Variants in ACSL3 observed in about 807,000 individuals in gnomAD.
ACSL3 encodes the protein fatty acid CoA ligase Acsl3.
A neutral mutation model predicts 84.7 loss-of-function variants in ACSL3; 34 were observed. The ratio of observed to expected loss-of-function variants is 0.40; its 90% CI spans 0.31 to 0.53. The LOEUF is 0.53. Among genes scored for constraint, ACSL3 ranks in the 20% least tolerant of loss-of-function variants. ACSL3 has a pLI of 0.48. For synonymous variants in ACSL3, 315 were observed against 299.4 expected (o/e 1.05, Z -0.54); for missense variants, 680 against 873.1 (o/e 0.78, Z 2.79).
intron 4 of ACSL3, among the ~76,000 whole-genome samples, chr2:222,911,618 A>T (rs957262296): frequency 3.3e-5 from 5 of 152,200 alleles, no homozygotes; most frequent in African/African-American, 1.2e-4. Flanking sequence ...TAATGTGGCT[A>T]GTATTGTCTT....
At chr2:222,913,612 A>G (rs1415788438) in intron 4 of ACSL3, among the ~76,000 whole-genome samples, 5 of 151,972 alleles carry the variant, frequency 3.3e-5, no homozygotes. Context: ...CCCAACTGTA[A>G]TTCACTCACA....
intron 2 of ACSL3, among the ~76,000 whole-genome samples, chr2:222,898,892 G>T (rs1195977173): frequency 6.6e-6 from 1 of 152,150 alleles, no homozygotes; most frequent in Non-Finnish European, 1.5e-5. Flanking sequence ...TTTATATTTG[G>T]TATAAAGGGG....
chr2:222,907,315 C>G (rs942854472), intron 3 of ACSL3, among the ~76,000 whole-genome samples: 3 of 152,166 alleles, frequency 2.0e-5, no homozygotes, highest in Admixed American at 6.5e-5. Flanking sequence ...TCTCATCTAT[C>G]TACACTTGCC....
Position 222,865,820 on chromosome 2 carries a change from G to GTGTGTGTGTGTGTA in ACSL3, c.-207+4567_-207+4568insGTGTGTGTATGTGT, listed in dbSNP as rs1322589527. Among the ~76,000 whole-genome samples, 30 of 151,928 alleles carry GTGTGTGTGTGTGTA rather than the reference G, an allele frequency of 2.0e-4. No homozygotes were observed. In the East Asian group the frequency reaches 5.4e-3, roughly 27 times the overall value. The stretch of plus-strand genomic sequence containing the variant: ...TGTGTGTGTGTGTGTGTGTGTGTGT[G>GTGTGTGTGTGTGTA]TGTGTACACAGATGTGTACGCATTG... On this transcript the variant is annotated intron_variant, in intron 1 of 16. Transcript: ENST00000357430.
rs1559308372 is a variant in ACSL3, at chr2:222,942,515, A to G, written c.*861A>G. ...GATAGAATTTAAAGAACAAGAGTATATAAAGTTATTCTTTGAATATTTCGT... is the reference window on the plus strand; with the variant it reads ...GATAGAATTTAAAGAACAAGAGTATGTAAAGTTATTCTTTGAATATTTCGT... On this transcript the variant is annotated 3_prime_UTR_variant, in exon 17 of 17. Coordinates refer to ENST00000357430, the MANE Select transcript of ACSL3 (RefSeq NM_004457.5). The G allele has an allele frequency of 5.2e-6, 1 of 193,728 alleles. No individual in the cohort carries two copies. The highest frequency in any genetic ancestry group is 1.1e-5 in the Non-Finnish European group (1 of 93,014). The allele number at this position is 193,728 out of a possible 1,614,324, so 12.0% of individuals were successfully genotyped here.
intron 2 of ACSL3, among the ~76,000 whole-genome samples, chr2:222,889,697 C>G (rs1473797334): frequency 2.0e-5 from 3 of 152,188 alleles, no homozygotes; most frequent in African/African-American, 7.2e-5. Flanking sequence ...TTGCTCCTCC[C>G]TTGGTTTCAG....
chr2:222,891,734 GAT>G (rs1695849431), intron 2 of ACSL3, among the ~76,000 whole-genome samples: 1 of 152,156 alleles, frequency 6.6e-6, no homozygotes, highest in Admixed American at 6.5e-5. Flanking sequence ...TTTTCATGTA[GAT>G]ATATTCATGG....
intron 1 of ACSL3, among the ~76,000 whole-genome samples, chr2:222,878,806 A>G (rs1249072771): frequency 6.6e-6 from 1 of 152,108 alleles, no homozygotes; most frequent in Non-Finnish European, 1.5e-5. Flanking sequence ...GGAAATGTAG[A>G]CTTTAATTTT....
At chr2:222,940,963 C>T (rs1259379018) in intron 16 of ACSL3, among the ~76,000 whole-genome samples, 3 of 151,838 alleles carry the variant, frequency 2.0e-5, no homozygotes, top group African/African-American at 7.3e-5. Context: ...TGCAGTAGCA[C>T]GATCATAGCT....
intron 14 of ACSL3, 158 bp from the exon 15 acceptor site, chr2:222,933,008 C>G: frequency 2.1e-6 from 1 of 486,402 alleles, no homozygotes; most frequent in Non-Finnish European, 3.7e-6. Context: ...TTAATATGTG[C>G]TTTTAATTTC....
In ACSL3 at chr2:222,928,716, G is replaced by T. The variant is rs565207416; in HGVS notation, c.1466-146G>T. On this transcript the variant is annotated intron_variant, in intron 12 of 16. Transcript: ENST00000357430. ...CGACTCTACAGGCCTCACGGCCTGTGCTTCACCAATATGTGACTTCTGCTT... is the reference window on the plus strand; with the variant it reads ...CGACTCTACAGGCCTCACGGCCTGTTCTTCACCAATATGTGACTTCTGCTT... 4.6e-4 allele frequency: 328 copies of T among 711,444 alleles called. 1 individual carries two copies. The highest frequency in any genetic ancestry group is 1.5e-3 in the South Asian group (85 of 55,558). 44.1% of individuals were successfully genotyped at this position (711,444 alleles called of 1,614,324 possible). A position where few individuals can be genotyped will look rare whatever the true frequency, so the allele number is the denominator to read the frequency against.
At position 222,930,788 on chromosome 2, in the gene ACSL3, C is replaced by T. The variant is rs746110621; in HGVS notation, c.1708C>T (p.Pro570Ser). Residue 570 changes from proline (P) to serine (S), a missense_variant, in exon 14 of 17, where the codon CCC (proline) becomes TCC (serine). Coordinates refer to ENST00000357430, the MANE Select transcript of ACSL3 (RefSeq NM_004457.5). ...LCTGDIGEFE[P>S]DGCLKIIDRK... Reference sequence around the variant, plus strand: ...TACTGGGGATATTGGAGAGTTTGAACCCGATGGATGCTTAAAGATTATTGG... The same window carrying T: ...TACTGGGGATATTGGAGAGTTTGAATCCGATGGATGCTTAAAGATTATTGG... 6.2e-7 allele frequency: 1 copy of T among 1,606,106 alleles called. No individual in the cohort carries two copies. Among genetic ancestry groups the T allele is most frequent in the African/African-American group, 1.3e-5 (1 of 74,444 alleles).
rs1327456153 is a variant in ACSL3, at chr2:222,867,749, A to G, written c.-207+6491A>G. 3.9e-5 allele frequency among the ~76,000 whole-genome samples: 6 copies of G among 152,124 alleles called. No homozygotes were observed. In the South Asian group the frequency reaches 8.3e-4, roughly 21 times the overall value. On this transcript the variant is annotated intron_variant, in intron 1 of 16. Coordinates refer to ENST00000357430, the MANE Select transcript of ACSL3 (RefSeq NM_004457.5). ...TTTTTTTGTTATTACAAACATTATTACCGTTAAGTATTATTGAACACAAGT... is the reference window on the plus strand; with the variant it reads ...TTTTTTTGTTATTACAAACATTATTGCCGTTAAGTATTATTGAACACAAGT...
intron 1 of ACSL3, among the ~76,000 whole-genome samples, chr2:222,881,557 C>A (rs1435272524): frequency 6.6e-6 from 1 of 152,210 alleles, no homozygotes; most frequent in East Asian, 1.9e-4. Context: ...ACTCTTGTCG[C>A]CCAGGCTGGA....
At chr2:222,876,769 T>G (rs911846172) in intron 1 of ACSL3, among the ~76,000 whole-genome samples, 1 of 152,208 alleles carries the variant, frequency 6.6e-6, no homozygotes, top group Non-Finnish European at 1.5e-5. Flanking sequence ...AAAAAAGTCC[T>G]TGCTTCAAGA....
chr2:222,869,906 T>C (rs957840506), intron 1 of ACSL3, among the ~76,000 whole-genome samples: 1 of 152,168 alleles, frequency 6.6e-6, no homozygotes, highest in African/African-American at 2.4e-5. Context: ...TTGATTAAAC[T>C]CTGAAAGTAG....
chr2:222,864,652 AACGGAG>A (rs1000690100), intron 1 of ACSL3, among the ~76,000 whole-genome samples: 15 of 152,138 alleles, frequency 9.9e-5, no homozygotes, highest in African/African-American at 3.6e-4. Context: ...AGGTGAGGAA[AACGGAG>A]ACAGAAACTG....
At chr2:222,937,840 CTA>C (rs1697215092) in intron 16 of ACSL3, among the ~76,000 whole-genome samples, 1 of 151,978 alleles carries the variant, frequency 6.6e-6, no homozygotes, top group African/African-American at 2.4e-5. Context: ...ATTTTGTTAA[CTA>C]TTTTCTGTAT....
intron 1 of ACSL3, among the ~76,000 whole-genome samples, chr2:222,875,823 A>T (rs1213370055): frequency 3.3e-5 from 5 of 151,870 alleles, no homozygotes; most frequent in Admixed American, 3.3e-4. Flanking sequence ...TCCTTAGCTT[A>T]TTGCTGGGTT....
Sources: allele counts gnomAD v4.1 joint callset (sites outside exome capture counted in the v4.1 genomes callset), GRCh38; gene constraint gnomAD v4.1.1; transcripts MANE v1.5; gene names NCBI Gene and HGNC (gene_info 2026-07-23, HGNC 2026-07-21).